MAPKAPK3: variants seen among roughly 807,000 people sequenced by gnomAD.
MAPKAPK3 encodes the protein MAPK activated protein kinase 3.
In MAPKAPK3, 35 loss-of-function variants were observed where a neutral mutation model predicts 49.2. The observed-to-expected ratio is 0.71, with a 90% CI of 0.54 to 0.94. MAPKAPK3 has a LOEUF of 0.94. Among genes scored for constraint, MAPKAPK3 ranks in the 40% least tolerant of loss-of-function variants. MAPKAPK3 has a pLI of 0.00. For synonymous variants in MAPKAPK3, 178 were observed against 188.7 expected, an observed-to-expected ratio of 0.94 and a Z score of 0.46; for missense variants, 398 against 493.1, an observed-to-expected ratio of 0.81 and a Z score of 1.83.
intron 2 of MAPKAPK3, among the ~76,000 whole-genome samples, chr3:50,632,831 A>T (rs2032945701): frequency 6.6e-6 from 1 of 152,200 alleles, no homozygotes; most frequent in African/African-American, 2.4e-5. Context: ...CGCTTCCTGT[A>T]TGTGAGAGAT....
intron 6 of MAPKAPK3, 148 bp from the exon 7 acceptor site, chr3:50,645,562 T>C (rs1243248715): frequency 4.8e-6 from 3 of 627,188 alleles, no homozygotes; most frequent in African/African-American, 3.7e-5. Context: ...ACACACATGC[T>C]GCCTTTCCAA....
chr3:50,644,568 C>T (rs762456104), intron 6 of MAPKAPK3, 36 bp downstream of exon 6: 1 of 1,610,980 alleles, frequency 6.2e-7, no homozygotes, highest in South Asian at 1.1e-5. Flanking sequence ...ACTCCTCACC[C>T]CAACTTATAC....
At chr3:50,623,503 C>A (rs986752737) in intron 2 of MAPKAPK3, among the ~76,000 whole-genome samples, 10 of 152,202 alleles carry the variant, frequency 6.6e-5, no homozygotes, top group African/African-American at 1.9e-4. Flanking sequence ...CATCTAGGAA[C>A]TGATGCCAGC....
chr3:50,642,501 G>T (rs1478441043), intron 5 of MAPKAPK3, among the ~76,000 whole-genome samples, 169 bp downstream of exon 5: 1 of 152,192 alleles, frequency 6.6e-6, no homozygotes, highest in Non-Finnish European at 1.5e-5. Context: ...TCTAGTTTCA[G>T]CATACTCATT....
Position 50,648,199 on chromosome 3 carries a change from C to T in MAPKAPK3, c.*153C>T. On this transcript the variant is annotated 3_prime_UTR_variant, in exon 11 of 11. Transcript: ENST00000621469. The stretch of plus-strand genomic sequence containing the variant: ...TCACTCGGAACTTCAGGATGGAGGA[C>T]CCTGACCCTAAACCTCCTTCAGATC... 1.2e-6 allele frequency: 1 copy of T among 821,964 alleles called. No individual in the cohort carries two copies. Among genetic ancestry groups the T allele is most frequent in the Non-Finnish European group, 1.9e-6 (1 of 533,598 alleles). 50.9% of individuals were successfully genotyped at this position (821,964 alleles called of 1,614,324 possible). A position where few individuals can be genotyped will look rare whatever the true frequency, so the allele number is the denominator to read the frequency against.
Position 50,646,825 on chromosome 3 carries a change from C to T in MAPKAPK3, c.915C>T (p.Asn305=), listed in dbSNP as rs957985236. Residue 305 remains asparagine, a splice_region_variant and synonymous_variant, in exon 9 of 11, where the codon AAC becomes AAT. Transcript: ENST00000621469. ...ITQFMNHPWI[N]QSMVVPQTPL... ...AGTTCATGAACCACCCCTGGATCAA[C>T]GTGAGCCCCTCCTCCTCCCATGGCA... is the stretch of plus-strand genomic sequence containing the variant. 15 of 1,613,900 alleles carry T rather than the reference C, an allele frequency of 9.3e-6. No individual in the cohort carries two copies. Among genetic ancestry groups the T allele is most frequent in the East Asian group, 2.2e-5 (1 of 44,878 alleles).
chr3:50,621,324 G>A (rs1370943785), intron 2 of MAPKAPK3, among the ~76,000 whole-genome samples: 1 of 152,190 alleles, frequency 6.6e-6, no homozygotes, highest in Non-Finnish European at 1.5e-5. Flanking sequence ...GGCTGGGTAT[G>A]ATGACTTATG....
At chr3:50,633,541 G>C in intron 2 of MAPKAPK3, among the ~76,000 whole-genome samples, 1 of 152,192 alleles carries the variant, frequency 6.6e-6, no homozygotes. Flanking sequence ...GCAAGCTGTG[G>C]ATTTGGCCAG....
upstream of MAPKAPK3, chr3:50,611,597 G>T: frequency 6.6e-7 from 1 of 1,523,006 alleles, no homozygotes; most frequent in Non-Finnish European, 8.8e-7. Context: ...CGCCCCTCGT[G>T]GTGGCCGGGA....
At position 50,646,182 on chromosome 3, in the gene MAPKAPK3, C is replaced by T. The variant is rs1439931377; in HGVS notation, c.747C>T (p.Ala249=). The T allele has an allele frequency of 2.5e-6, 4 of 1,614,144 alleles. No homozygotes were observed. The African/African-American group carries it at 4.0e-5, about 16-fold the overall frequency. ...FPPFYSNTGQ[A]ISPGMKRRIR... ...CCTTCTACTCCAACACGGGCCAGGC[C>T]ATCTCCCCGGGGATGAAGAGGAGGA... The change falls in exon 8 of 11, where the codon GCC becomes GCT. Residue 249 remains alanine, a synonymous_variant. Transcript: ENST00000621469.
chr3:50,641,744 C>T lies in MAPKAPK3; in HGVS notation c.397C>T (p.Arg133Cys), dbSNP rs760401804. Residue 133 changes from arginine to cysteine, a missense_variant, in exon 4 of 11, where the codon CGT (arginine) becomes TGT (cysteine). Arg to Cys is a radical substitution (Grantham distance 180). This residue lies in a region of MAPKAPK3 where 52 missense variants were observed against 91.9 expected (regional missense o/e 0.57). Transcript: ENST00000621469. ...TGAGTTGTTCAGCAGGATTCAGGAG[C>T]GTGGCGACCAGGCTTTCACTGAGAG... Reference protein sequence around the residue: ...GGELFSRIQERGDQAFTEREA... With the variant: ...GGELFSRIQECGDQAFTEREA... 4.3e-6 allele frequency: 7 copies of T among 1,614,116 alleles called. No homozygotes were observed. Among genetic ancestry groups the T allele is most frequent in the East Asian group, 2.2e-5 (1 of 44,878 alleles).
At chr3:50,614,792 C>T (rs575059573), upstream of MAPKAPK3, among the ~76,000 whole-genome samples, 6 of 152,212 alleles carry the variant, frequency 3.9e-5, no homozygotes, top group Non-Finnish European at 7.4e-5. Flanking sequence ...GGCATCTCTC[C>T]GATGGACCCA....
Position 50,646,263 on chromosome 3 carries a change from T to C in MAPKAPK3, c.828T>C (p.Asp276=). Reference sequence around the variant, plus strand: ...CTGAGTGGTCAGAAGTCTCTGAGGATGGTGAGTGAACCTCTCTGTCCCAGC... The same window carrying C: ...CTGAGTGGTCAGAAGTCTCTGAGGACGGTGAGTGAACCTCTCTGTCCCAGC... ...PNPEWSEVSE[D]AKQLIRLLLK... Residue 276 remains aspartate, a splice_region_variant and synonymous_variant, in exon 8 of 11, where the codon GAT becomes GAC. Coordinates refer to ENST00000621469, the MANE Select transcript of MAPKAPK3 (RefSeq NM_001243925.2). 6.2e-7 allele frequency: 1 copy of C among 1,614,110 alleles called. No individual in the cohort carries two copies. Among genetic ancestry groups the C allele is most frequent in the Non-Finnish European group, 8.5e-7 (1 of 1,179,998 alleles).
At chr3:50,611,910 G>C in exon 1 of MAPKAPK3, 1 of 473,096 alleles carries the variant, frequency 2.1e-6, no homozygotes, top group Middle Eastern at 5.6e-4. Flanking sequence ...AGAACCGCGG[G>C]CTGAGCGGTG....
chr3:50,615,996 T>C (rs956425461), upstream of MAPKAPK3, among the ~76,000 whole-genome samples: 5 of 151,884 alleles, frequency 3.3e-5, no homozygotes, highest in Non-Finnish European at 5.9e-5. Context: ...CCAGAGGGGC[T>C]GAGGGGGAGG....
At chr3:50,641,569 G>A in intron 3 of MAPKAPK3, 138 bp from the exon 4 acceptor site, 1 of 732,738 alleles carries the variant, frequency 1.4e-6, no homozygotes, top group Admixed American at 2.0e-5. Context: ...ACAAGGGACA[G>A]GGAGGCTGAC....
In MAPKAPK3 at chr3:50,645,800, C is replaced by T. The variant is rs1350049028; in HGVS notation, c.704+15C>T. The T allele has an allele frequency of 8.1e-6, 13 of 1,612,570 alleles. No homozygotes were observed. Among genetic ancestry groups the T allele is most frequent in the South Asian group, 1.1e-5 (1 of 91,048 alleles). On this transcript the variant is annotated intron_variant, in intron 7 of 10. Coordinates refer to ENST00000621469, the MANE Select transcript of MAPKAPK3 (RefSeq NM_001243925.2). ...ATGTACATCCTGTGAGTACCTTCCC[C>T]ACCCCCTGCCTCCATCTCCTGCCCT...
At chr3:50,614,882 C>T (rs930067411), upstream of MAPKAPK3, among the ~76,000 whole-genome samples, 1 of 152,178 alleles carries the variant, frequency 6.6e-6, no homozygotes, top group African/African-American at 2.4e-5. Flanking sequence ...CTTTGCCTTA[C>T]TTTTCATACT....
chr3:50,626,852 G>C (rs111697006), intron 2 of MAPKAPK3, among the ~76,000 whole-genome samples: 4 of 152,144 alleles, frequency 2.6e-5, no homozygotes, highest in African/African-American at 9.7e-5. Context: ...TCCTCTCTGC[G>C]TGTGTGCTCC....
Sources: gnomAD v4.1 joint callset for allele counts (sites outside exome capture counted in the v4.1 genomes callset) on GRCh38, gnomAD v4.1.1 for gene constraint, gnomAD v4.1.1 regional missense constraint, MANE v1.5 for transcripts, NCBI Gene and HGNC (gene_info 2026-07-23, HGNC 2026-07-21) for gene names.